The following FRMPD1 variants were observed in gnomAD, a reference collection of about 807,000 sequenced individuals.
FRMPD1 encodes FERM and PDZ domain containing 1, also known as FERM and PDZ domain-containing protein 1.
A neutral mutation model predicts 117.8 loss-of-function variants in FRMPD1; 76 were observed. That is an observed-to-expected ratio of 0.65 (90% CI 0.54 to 0.78). The LOEUF (loss-of-function observed/expected upper bound fraction) is 0.78, where lower values mean the gene tolerates loss of function less well. Among genes scored for constraint, FRMPD1 ranks in the 30% least tolerant of loss-of-function variants. FRMPD1 has a pLI of 0.00. For synonymous variants in FRMPD1, 783 were observed against 770.4 expected, an observed-to-expected ratio of 1.02 and a Z score of -0.27; for missense variants, 1,786 against 1,964.5, an observed-to-expected ratio of 0.91 and a Z score of 1.72.
intron 2 of FRMPD1, among the ~76,000 whole-genome samples, chr9:37,698,121 AT>A (rs1179108925): frequency 6.6e-6 from 1 of 152,222 alleles, no homozygotes; most frequent in Non-Finnish European, 1.5e-5. Flanking sequence ...CTTAAAAAAA[AT>A]AATAATACCA....
chr9:37,625,415 C>T, the FRMPD1 span, among the ~76,000 whole-genome samples: 1 of 152,158 alleles, frequency 6.6e-6, no homozygotes, highest in Non-Finnish European at 1.5e-5. Flanking sequence ...AGGCAGAGAG[C>T]TCCCTGCCAG....
the FRMPD1 span, among the ~76,000 whole-genome samples, chr9:37,629,076 G>C: frequency 6.6e-6 from 1 of 152,174 alleles, no homozygotes; most frequent in Non-Finnish European, 1.5e-5. Flanking sequence ...GCACATGCCT[G>C]TGGTCCCAGC....
At chr9:37,685,382 G>C (rs542810252) in intron 1 of FRMPD1, among the ~76,000 whole-genome samples, 1 of 152,006 alleles carries the variant, frequency 6.6e-6, no homozygotes, top group Admixed American at 6.6e-5. Flanking sequence ...AGTGGCTCAC[G>C]CCTGTAATCC....
chr9:37,732,386 A>G lies in FRMPD1; in HGVS notation c.941A>G (p.Gln314Arg). 1.9e-6 allele frequency: 3 copies of G among 1,613,966 alleles called. No homozygotes were observed. Among genetic ancestry groups the G allele is most frequent in the Non-Finnish European group, 2.5e-6 (3 of 1,180,006 alleles). ...CTCCGACTCGCGGCTCTGCACATCC[A>G]GGAACGGATCTACGCCTGTGCCCAG... Reference protein sequence around the residue: ...SALRLAALHIQERIYACAQPQ... With the variant: ...SALRLAALHIRERIYACAQPQ... Residue 314 changes from glutamine to arginine, a missense_variant, in exon 10 of 16, where the codon CAG becomes CGG. Gln to Arg is a conservative substitution (Grantham distance 43). Transcript: ENST00000377765.
At chr9:37,693,080 A>G (rs540988892) in intron 2 of FRMPD1, 38 of 277,434 alleles carry the variant, frequency 1.4e-4, no homozygotes, top group African/African-American at 7.6e-4. Context: ...ACACTCATAC[A>G]TACACTCTTT....
intron 9 of FRMPD1, 129 bp downstream of exon 9, chr9:37,731,232 T>C (rs1823866476): frequency 2.5e-6 from 2 of 799,732 alleles, no homozygotes; most frequent in Non-Finnish European, 4.2e-6. Context: ...TGAAGGAGAA[T>C]GGGCCTGATC....
At chr9:37,714,939 C>T (rs1391659658) in intron 5 of FRMPD1, among the ~76,000 whole-genome samples, 2 of 152,144 alleles carry the variant, frequency 1.3e-5, no homozygotes, top group Non-Finnish European at 2.9e-5. Context: ...TGAGTCACTG[C>T]GCCTGGCCCT....
chr9:37,705,002 T>G (rs1231627877), intron 2 of FRMPD1, among the ~76,000 whole-genome samples: 1 of 152,214 alleles, frequency 6.6e-6, no homozygotes, highest in Non-Finnish European at 1.5e-5. Flanking sequence ...GAATCCTTTC[T>G]TGGCATTTTC....
intron 2 of FRMPD1, among the ~76,000 whole-genome samples, chr9:37,697,419 T>C (rs1007742879): frequency 5.9e-5 from 9 of 151,304 alleles, no homozygotes; most frequent in African/African-American, 2.2e-4. Context: ...ACAAAAAAAT[T>C]AGCCGGGCGT....
chr9:37,694,824 C>A (rs1222975977), intron 2 of FRMPD1, among the ~76,000 whole-genome samples: 1 of 150,490 alleles, frequency 6.6e-6, no homozygotes, highest in Non-Finnish European at 1.5e-5. Flanking sequence ...ATAATGTGTT[C>A]TTCTTTTGCT....
intron 2 of FRMPD1, among the ~76,000 whole-genome samples, chr9:37,695,980 T>G (rs1822305732): frequency 6.7e-6 from 1 of 149,794 alleles, no homozygotes; most frequent in African/African-American, 2.5e-5. Context: ...CTTCACAATC[T>G]CTCACCAGCC....
At chr9:37,696,076 A>C (rs913213416) in intron 2 of FRMPD1, among the ~76,000 whole-genome samples, 1 of 30,410 alleles carries the variant, frequency 3.3e-5, no homozygotes, top group Non-Finnish European at 7.3e-5. Flanking sequence ...TTTTTTTTTT[A>C]ATATCTAGAA....
chr9:37,622,651 G>A, the FRMPD1 span, among the ~76,000 whole-genome samples: 36 of 152,150 alleles, frequency 2.4e-4, 1 homozygote, highest in Admixed American at 2.4e-3. Context: ...AGCTGTCCTC[G>A]GATTAATGCC....
chr9:37,665,451 G>A (rs1205855424), intron 1 of FRMPD1, among the ~76,000 whole-genome samples: 1 of 152,154 alleles, frequency 6.6e-6, no homozygotes, highest in African/African-American at 2.4e-5. Context: ...CCAGACAGGT[G>A]GTGTTTTCAG....
intron 14 of FRMPD1, among the ~76,000 whole-genome samples, chr9:37,739,200 A>C (rs182315325): frequency 3.9e-5 from 6 of 152,196 alleles, no homozygotes; most frequent in African/African-American, 1.2e-4. Flanking sequence ...CCTGCAGAGG[A>C]GGCCTTAGGG....
chr9:37,619,953 G>T, the FRMPD1 span, among the ~76,000 whole-genome samples: 1 of 150,844 alleles, frequency 6.6e-6, no homozygotes. Flanking sequence ...AGATTCATTT[G>T]TTTCTATCCT....
Position 37,719,125 on chromosome 9 carries a change from C to G in FRMPD1, c.465C>G (p.Asn155Lys). Reference sequence around the variant, plus strand: ...AGAAGAGAGCCAGACTGAAGACCAACCCCGTGAAGGTGCACTTTGCTGAAG... The same window carrying G: ...AGAAGAGAGCCAGACTGAAGACCAAGCCCGTGAAGGTGCACTTTGCTGAAG... ...TEEKRARLKT[N>K]PVKVHFAEEV... is the part of the protein sequence containing the mutation. The change falls in exon 6 of 16, where the codon AAC becomes AAG. Residue 155 changes from asparagine to lysine, a missense_variant. Transcript: ENST00000377765. 6.2e-7 allele frequency: 1 copy of G among 1,613,790 alleles called. No homozygotes were observed. The highest frequency in any genetic ancestry group is 8.5e-7 in the Non-Finnish European group (1 of 1,179,650).
At chr9:37,692,492 A>C in intron 1 of FRMPD1, 146 bp from the exon 2 acceptor site, 1 of 640,018 alleles carries the variant, frequency 1.6e-6, no homozygotes, top group South Asian at 1.9e-5. Flanking sequence ...GCACCTGTTT[A>C]TGTTGATTTT....
chr9:37,716,051 C>G (rs894777934), intron 5 of FRMPD1, among the ~76,000 whole-genome samples: 1 of 152,052 alleles, frequency 6.6e-6, no homozygotes, highest in Non-Finnish European at 1.5e-5. Flanking sequence ...TTATGGTGAC[C>G]CTCCCAAATA....
Sources: allele counts gnomAD v4.1 joint callset (sites outside exome capture counted in the v4.1 genomes callset), GRCh38; gene constraint gnomAD v4.1.1; transcripts MANE v1.5; gene names NCBI Gene and HGNC (gene_info 2026-07-23, HGNC 2026-07-21).